VPS41: variants seen among roughly 807,000 people sequenced by gnomAD.
VPS41 encodes vacuolar protein sorting-associated protein 41 homolog.
Under a neutral mutation model 130.9 loss-of-function variants are expected in VPS41, and 85 were observed. The observed-to-expected ratio is 0.65, with a 90% CI of 0.55 to 0.78. The LOEUF (loss-of-function observed/expected upper bound fraction) is 0.78, where lower values mean the gene tolerates loss of function less well. Among genes scored for constraint, VPS41 ranks in the 30% least tolerant of loss-of-function variants. VPS41 has a pLI of 0.00. For synonymous variants in VPS41, 335 were observed against 332.9 expected (o/e 1.01, Z -0.07); for missense variants, 874 against 1,018.7 (o/e 0.86, Z 1.93).
At chr7:38,851,417 T>C (rs1785851597) in intron 4 of VPS41, among the ~76,000 whole-genome samples, 1 of 152,240 alleles carries the variant, frequency 6.6e-6, no homozygotes, top group Admixed American at 6.5e-5. Context: ...GCAAATGTTA[T>C]AATATGTAGC....
chr7:38,853,119 T>TCATAAG (rs1785894495), intron 4 of VPS41, among the ~76,000 whole-genome samples: 1 of 152,130 alleles, frequency 6.6e-6, no homozygotes, highest in Non-Finnish European at 1.5e-5. Context: ...GGTGATTCCC[T>TCATAAG]GTTTCATAAG....
At chr7:38,908,412 T>C (rs764236324) in intron 1 of VPS41, among the ~76,000 whole-genome samples, 1 of 152,216 alleles carries the variant, frequency 6.6e-6, no homozygotes, top group Non-Finnish European at 1.5e-5. Flanking sequence ...ATTTCTACCC[T>C]AAACTTCAGT....
chr7:38,736,483 A>G (rs771149880), intron 25 of VPS41, among the ~76,000 whole-genome samples: 5 of 152,260 alleles, frequency 3.3e-5, no homozygotes, highest in Non-Finnish European at 5.9e-5. Flanking sequence ...CCAGAACAGG[A>G]GCCCACGTCT....
At chr7:38,901,568 AACTC>A (rs1158269621) in intron 1 of VPS41, among the ~76,000 whole-genome samples, 8 of 152,114 alleles carry the variant, frequency 5.3e-5, no homozygotes, top group Non-Finnish European at 1.0e-4. Context: ...ATAGAAAGAG[AACTC>A]ACTATTTCAA....
At chr7:38,827,500 T>G (rs1785303023) in intron 5 of VPS41, among the ~76,000 whole-genome samples, 1 of 152,184 alleles carries the variant, frequency 6.6e-6, no homozygotes, top group Admixed American at 6.5e-5. Context: ...GAGGCCAGAC[T>G]GCAATGGATT....
At chr7:38,870,028 C>G (rs1218623474) in intron 2 of VPS41, among the ~76,000 whole-genome samples, 2 of 152,166 alleles carry the variant, frequency 1.3e-5, no homozygotes, top group African/African-American at 4.8e-5. Flanking sequence ...AGCTGGCATT[C>G]TACAGCCACT....
chr7:38,795,584 T>G lies in VPS41; in HGVS notation c.598A>C (p.Lys200Gln). Residue 200 changes from lysine (K) to glutamine (Q), a missense_variant, in exon 9 of 29, where the codon AAG becomes CAG. Transcript: ENST00000310301. ...MGVKIFDIIS[K>Q]QRITNVPRDD... is the part of the protein sequence containing the mutation. ...CGGGGCACATTGGTGATTCTTTGCTTTGAGATGATGTCAAAAATCTTCACA... is the reference window on the plus strand; with the variant it reads ...CGGGGCACATTGGTGATTCTTTGCTGTGAGATGATGTCAAAAATCTTCACA... The G allele has an allele frequency of 6.2e-7, 1 of 1,612,208 alleles. No homozygotes were observed. Among genetic ancestry groups the G allele is most frequent in the South Asian group, 1.1e-5 (1 of 90,780 alleles).
chr7:38,776,600 A>G, intron 11 of VPS41, 79 bp downstream of exon 11: 1 of 767,466 alleles, frequency 1.3e-6, no homozygotes, highest in Non-Finnish European at 2.3e-6. Flanking sequence ...AGCGTATGCT[A>G]CTGATGAACA....
At chr7:38,875,698 G>T (rs1584440066) in intron 2 of VPS41, among the ~76,000 whole-genome samples, 1 of 152,146 alleles carries the variant, frequency 6.6e-6, no homozygotes, top group East Asian at 1.9e-4. Flanking sequence ...TTTTAAGAAA[G>T]TGACATGAAG....
rs1795518365 is a variant in VPS41, at chr7:38,725,439, G to A, written c.*807C>T. On this transcript the variant is annotated 3_prime_UTR_variant, in exon 29 of 29. Transcript: ENST00000310301. ...AGGGTCACTGGTTTCCTCCCTCCTG[G>A]CAAACTCTAGCCACAAGCGCTCAGA... 2 of 152,160 alleles carry A rather than the reference G, an allele frequency of 1.3e-5. No individual in the cohort carries two copies. The highest frequency in any genetic ancestry group is 2.1e-4 in the South Asian group (1 of 4,818). The allele number at this position is 152,160 out of a possible 1,614,324, so 9.4% of individuals were successfully genotyped here. A position where few individuals can be genotyped will look rare whatever the true frequency, so the allele number is the denominator to read the frequency against.
At chr7:38,828,191 T>C (rs1785317109) in intron 5 of VPS41, among the ~76,000 whole-genome samples, 1 of 152,136 alleles carries the variant, frequency 6.6e-6, no homozygotes, top group African/African-American at 2.4e-5. Flanking sequence ...ACCTTGTATG[T>C]ACTTATCCTA....
chr7:38,763,379 C>G, intron 17 of VPS41, 76 bp downstream of exon 17: 1 of 997,194 alleles, frequency 1.0e-6, no homozygotes, highest in Non-Finnish European at 1.4e-6. Flanking sequence ...AGGCATTGCT[C>G]CATTGTATTC....
chr7:38,801,734 G>C (rs1403591009), intron 7 of VPS41, among the ~76,000 whole-genome samples: 3 of 152,254 alleles, frequency 2.0e-5, no homozygotes, highest in Middle Eastern at 6.8e-3. Context: ...TTGGGGAAAA[G>C]GATCATATCT....
chr7:38,783,387 T>C (rs558426024), intron 10 of VPS41, among the ~76,000 whole-genome samples: 1 of 151,086 alleles, frequency 6.6e-6, no homozygotes, highest in East Asian at 2.0e-4. Flanking sequence ...ATACAAAAAT[T>C]AGCCAAGCGT....
At chr7:38,837,795 T>C (rs957332639) in intron 4 of VPS41, among the ~76,000 whole-genome samples, 11 of 152,232 alleles carry the variant, frequency 7.2e-5, no homozygotes, top group Admixed American at 5.9e-4. Context: ...AATATTAGCA[T>C]TGGTTATATC....
At chr7:38,874,109 T>C (rs1786434267) in intron 2 of VPS41, among the ~76,000 whole-genome samples, 1 of 152,214 alleles carries the variant, frequency 6.6e-6, no homozygotes, top group Non-Finnish European at 1.5e-5. Context: ...TTGTGCAGAA[T>C]GGGTTCTACA....
chr7:38,883,108 T>C (rs1786647843), intron 2 of VPS41, among the ~76,000 whole-genome samples: 2 of 152,146 alleles, frequency 1.3e-5, no homozygotes, highest in African/African-American at 4.8e-5. Flanking sequence ...CTAGGCATGG[T>C]GGCATGCACC....
chr7:38,738,439 T>C (rs1418552236), intron 25 of VPS41, among the ~76,000 whole-genome samples: 2 of 152,174 alleles, frequency 1.3e-5, no homozygotes, highest in Non-Finnish European at 2.9e-5. Context: ...GAAGATTAAA[T>C]GTTTGTCAAA....
intron 17 of VPS41, among the ~76,000 whole-genome samples, chr7:38,760,800 A>C (rs1401992091): frequency 1.3e-5 from 2 of 152,158 alleles, no homozygotes; most frequent in Admixed American, 6.5e-5. Context: ...TAACTCCATT[A>C]ATACTTTAAT....
Sources: gnomAD v4.1 joint callset for allele counts (sites outside exome capture counted in the v4.1 genomes callset) on GRCh38, gnomAD v4.1.1 for gene constraint, MANE v1.5 for transcripts, NCBI Gene and HGNC (gene_info 2026-07-23, HGNC 2026-07-21) for gene names.